The following FARS2 variants were observed in gnomAD, a reference collection of about 807,000 sequenced individuals.
FARS2 encodes the protein phenylalanine--tRNA ligase, mitochondrial.
In FARS2, 40 loss-of-function variants were observed where a neutral mutation model predicts 46.4. The observed-to-expected ratio is 0.86, with a 90% CI of 0.67 to 1.12. The LOEUF is 1.12. FARS2 is among the 50% of genes most tolerant of loss of function. The probability of loss-of-function intolerance (pLI) is 0.00; values close to 1 mark genes in which losing one functional copy is unlikely to be tolerated. For missense variants in FARS2, 513 were observed against 567.9 expected, an observed-to-expected ratio of 0.90 and a Z score of 0.98; for synonymous variants, 234 against 214.9, an observed-to-expected ratio of 1.09 and a Z score of -0.78.
At chr6:5,346,851 T>A (rs1757267446) in intron 1 of FARS2, among the ~76,000 whole-genome samples, 1 of 152,130 alleles carries the variant, frequency 6.6e-6, no homozygotes, top group East Asian at 1.9e-4. Flanking sequence ...TATAATTCTT[T>A]TTTTAGAGTA....
chr6:5,311,359 G>A lies in FARS2; in HGVS notation c.-22+49699G>A, dbSNP rs1021492931. Among the ~76,000 whole-genome samples the A allele has an allele frequency of 2.6e-5, 4 of 152,150 alleles. No homozygotes were observed. Among genetic ancestry groups the A allele is most frequent in the African/African-American group, 7.2e-5 (3 of 41,432 alleles). On this transcript the variant is annotated intron_variant, in intron 1 of 6. Coordinates refer to ENST00000274680, the MANE Select transcript of FARS2 (RefSeq NM_006567.5). The surrounding 1 kb of genome is among the most constrained non-coding windows in gnomAD (Gnocchi z 4.1). ...TCACAGGAAACTTTTAGGAAAGGTC[G>A]CAAAAGCCACTGAGTTGGAGATACA...
intron 6 of FARS2, among the ~76,000 whole-genome samples, chr6:5,666,254 ATAAG>A (rs1561786575): frequency 1.3e-5 from 2 of 152,228 alleles, no homozygotes; most frequent in East Asian, 3.8e-4. Flanking sequence ...TAAAAGAAAC[ATAAG>A]TAAGAGTCAA....
chr6:5,404,553 T>C lies in FARS2; in HGVS notation c.624T>C (p.Gly208=). ...RLFSKHELFA[G]IKDGESLQLF... ...CTGTTGGTTTACAGTTATTTGCTGG[T>C]ATAAAGGATGGAGAAAGCCTGCAGC... The change falls in exon 3 of 7, where the codon GGT becomes GGC. Residue 208 remains glycine (G), a synonymous_variant. Coordinates refer to ENST00000274680, the MANE Select transcript of FARS2 (RefSeq NM_006567.5). 6.3e-7 allele frequency: 1 copy of C among 1,599,726 alleles called. No individual in the cohort carries two copies. The highest frequency in any genetic ancestry group is 8.5e-7 in the Non-Finnish European group (1 of 1,172,354).
upstream of FARS2, chr6:5,260,623 C>A (rs1413834897): frequency 8.5e-6 from 13 of 1,520,592 alleles, no homozygotes; most frequent in Non-Finnish European, 1.1e-5. Context: ...CCCCCGCCCC[C>A]GGCCCCCGGT....
At chr6:5,633,306 C>T (rs1184110902) in intron 6 of FARS2, among the ~76,000 whole-genome samples, 4 of 119,390 alleles carry the variant, frequency 3.4e-5, no homozygotes, top group East Asian at 2.9e-4. Flanking sequence ...GACAGAGTCT[C>T]GCTCTGTTGC....
intron 1 of FARS2, among the ~76,000 whole-genome samples, chr6:5,302,428 A>G (rs1032607381): frequency 6.6e-6 from 1 of 152,156 alleles, no homozygotes; most frequent in Non-Finnish European, 1.5e-5. Flanking sequence ...TTATCGGATG[A>G]CATGGGATGA....
intron 4 of FARS2, among the ~76,000 whole-genome samples, chr6:5,517,485 C>T (rs111416046): frequency 0.11 from 16,633 of 151,778 alleles, 960 homozygotes; most frequent in Admixed American, 0.16. Flanking sequence ...TGGTGGCACA[C>T]GCTTGTAATC....
rs1268357191 is a variant in FARS2, at chr6:5,718,276, T to C, written c.1218-53015T>C. On this transcript the variant is annotated intron_variant, in intron 6 of 6. Coordinates refer to ENST00000274680, the MANE Select transcript of FARS2 (RefSeq NM_006567.5). Reference sequence around the variant, plus strand: ...AATTATGTAATAATTTACTTAACCCTTCCATGCTAGACTGAAAACTTCCCA... The same window carrying C: ...AATTATGTAATAATTTACTTAACCCCTCCATGCTAGACTGAAAACTTCCCA... Among the ~76,000 whole-genome samples, 5 of 152,282 alleles carry C rather than the reference T, an allele frequency of 3.3e-5. No individual in the cohort carries two copies. In the East Asian group the frequency reaches 9.7e-4, roughly 29 times the overall value.
At chr6:5,671,987 C>T (rs960748022) in intron 6 of FARS2, among the ~76,000 whole-genome samples, 2 of 152,164 alleles carry the variant, frequency 1.3e-5, no homozygotes, top group African/African-American at 4.8e-5. Flanking sequence ...CCTACTTTTC[C>T]ACAAAAATAC....
At chr6:5,488,547 A>G (rs921892118) in intron 4 of FARS2, among the ~76,000 whole-genome samples, 37 of 152,056 alleles carry the variant, frequency 2.4e-4, no homozygotes, top group African/African-American at 7.9e-4. Context: ...TCAAATGAAT[A>G]ATTTTACAGT....
chr6:5,756,429 C>T (rs373237892), intron 6 of FARS2, among the ~76,000 whole-genome samples: 35 of 152,220 alleles, frequency 2.3e-4, no homozygotes, highest in African/African-American at 7.7e-4. Context: ...GAAGCATGGC[C>T]GGGAGGCCTC....
At chr6:5,642,228 G>A (rs73718337) in intron 6 of FARS2, among the ~76,000 whole-genome samples, 3,450 of 152,176 alleles carry the variant, frequency 0.023, 95 homozygotes, top group African/African-American at 0.057. Context: ...TATTTTAGAC[G>A]CATGTAGCTT....
chr6:5,612,129 T>A (rs1439499927), intron 5 of FARS2, among the ~76,000 whole-genome samples: 1 of 152,242 alleles, frequency 6.6e-6, no homozygotes, highest in Non-Finnish European at 1.5e-5. Flanking sequence ...ATGAAATGTG[T>A]GTTCTAAACT....
chr6:5,360,623 C>G (rs1047691684), intron 1 of FARS2, among the ~76,000 whole-genome samples: 4 of 152,114 alleles, frequency 2.6e-5, no homozygotes, highest in African/African-American at 9.7e-5. Context: ...TTATTATTTG[C>G]GTATTACACA....
At chr6:5,594,764 AC>A (rs949601920) in intron 5 of FARS2, among the ~76,000 whole-genome samples, 1 of 152,132 alleles carries the variant, frequency 6.6e-6, no homozygotes, top group Non-Finnish European at 1.5e-5. Context: ...TGGGGCTGGG[AC>A]CCACCTCCAA....
intron 6 of FARS2, among the ~76,000 whole-genome samples, chr6:5,699,015 C>T: frequency 6.6e-6 from 1 of 152,206 alleles, no homozygotes; most frequent in Non-Finnish European, 1.5e-5. Context: ...AGGGAAGGCA[C>T]TGTGCTGTGC....
At chr6:5,654,674 C>T (rs1175992489) in intron 6 of FARS2, among the ~76,000 whole-genome samples, 3 of 152,166 alleles carry the variant, frequency 2.0e-5, no homozygotes, top group Non-Finnish European at 4.4e-5. Context: ...TACACCACTG[C>T]ACCTGAGACC....
At chr6:5,609,317 A>G in intron 5 of FARS2, 1 of 1,119,368 alleles carries the variant, frequency 8.9e-7, no homozygotes, top group Admixed American at 1.7e-5. Context: ...ATTGGCCTCT[A>G]CCACCATAGG....
chr6:5,304,788 G>A (rs1768579132), intron 1 of FARS2, among the ~76,000 whole-genome samples: 1 of 152,170 alleles, frequency 6.6e-6, no homozygotes, highest in Admixed American at 6.5e-5. Context: ...TAAAATAGAT[G>A]TGTGCTTGAT....
Sources: allele counts gnomAD v4.1 joint callset (sites outside exome capture counted in the v4.1 genomes callset), GRCh38; gene constraint gnomAD v4.1.1; non-coding constraint Gnocchi (gnomAD v3.1); transcripts MANE v1.5; gene names NCBI Gene and HGNC (gene_info 2026-07-23, HGNC 2026-07-21).